Variants in GALNT13 observed in about 807,000 individuals in gnomAD.
GALNT13 encodes UDP-GalNAc:polypeptide N-acetylgalactosaminyltransferase 13.
A neutral mutation model predicts 64.2 loss-of-function variants in GALNT13; 28 were observed. The observed-to-expected ratio is 0.44, with a 90% CI of 0.32 to 0.60. The LOEUF (loss-of-function observed/expected upper bound fraction) is 0.60. Among genes scored for constraint, GALNT13 ranks in the 20% least tolerant of loss-of-function variants. The pLI is 0.05. For missense variants in GALNT13, 577 were observed against 669.8 expected, an observed-to-expected ratio of 0.86 and a Z score of 1.53; for synonymous variants, 214 against 224.6, an observed-to-expected ratio of 0.95 and a Z score of 0.42.
chr2:154,162,905 C>T (rs1300083507), intron 4 of GALNT13, among the ~76,000 whole-genome samples: 1 of 151,562 alleles, frequency 6.6e-6, no homozygotes, highest in Non-Finnish European at 1.5e-5. Context: ...CCGAGTTTTC[C>T]AAAGTCACTT....
chr2:153,283,209 T>A, the GALNT13 span, among the ~76,000 whole-genome samples: 1 of 152,110 alleles, frequency 6.6e-6, no homozygotes, highest in Non-Finnish European at 1.5e-5. Context: ...CGGGCACTAG[T>A]ACTAAGGGAG....
At chr2:153,524,093 C>T in the GALNT13 span, among the ~76,000 whole-genome samples, 21 of 152,030 alleles carry the variant, frequency 1.4e-4, no homozygotes, top group East Asian at 3.8e-4. Context: ...AACCTGTTGA[C>T]GTGATGAATT....
At chr2:154,262,580 C>T (rs906301328) in intron 8 of GALNT13, among the ~76,000 whole-genome samples, 2 of 152,134 alleles carry the variant, frequency 1.3e-5, no homozygotes, top group Non-Finnish European at 2.9e-5. Flanking sequence ...AACATAAATC[C>T]TAACAGCACT....
chr2:153,474,650 G>T, the GALNT13 span, among the ~76,000 whole-genome samples: 1 of 152,186 alleles, frequency 6.6e-6, no homozygotes, highest in African/African-American at 2.4e-5. Flanking sequence ...AAGCTAAGAG[G>T]TATCACTAGC....
At chr2:153,304,996 A>G in the GALNT13 span, among the ~76,000 whole-genome samples, 2 of 152,220 alleles carry the variant, frequency 1.3e-5, no homozygotes, top group African/African-American at 2.4e-5. Flanking sequence ...TGAGGATTAT[A>G]TAATCACATT....
chr2:153,298,731 G>A, the GALNT13 span, among the ~76,000 whole-genome samples: 3 of 152,128 alleles, frequency 2.0e-5, no homozygotes, highest in African/African-American at 7.2e-5. Flanking sequence ...AGGACAGAAA[G>A]ATGGGGTAAT....
the GALNT13 span, among the ~76,000 whole-genome samples, chr2:153,631,002 T>G: frequency 6.6e-6 from 1 of 151,012 alleles, no homozygotes; most frequent in Non-Finnish European, 1.5e-5. Context: ...GATGTTCCCC[T>G]TCCTGTGTCC....
chr2:154,305,278 G>C (rs961704824), intron 9 of GALNT13, among the ~76,000 whole-genome samples: 6 of 152,006 alleles, frequency 3.9e-5, no homozygotes, highest in African/African-American at 1.2e-4. Flanking sequence ...GAATGGGTGA[G>C]TTTGTAAAGA....
the GALNT13 span, among the ~76,000 whole-genome samples, chr2:153,567,946 G>A: frequency 2.0e-5 from 3 of 152,182 alleles, no homozygotes; most frequent in African/African-American, 7.2e-5. Flanking sequence ...CTTAGCATTT[G>A]GTTTGGGCAT....
chr2:153,837,352 G>T, the GALNT13 span, among the ~76,000 whole-genome samples: 8 of 151,974 alleles, frequency 5.3e-5, no homozygotes, highest in African/African-American at 1.9e-4. Context: ...TTTTGATGGG[G>T]TTGTTTGTTT....
At chr2:153,210,350 T>C in the GALNT13 span, among the ~76,000 whole-genome samples, 1 of 152,322 alleles carries the variant, frequency 6.6e-6, no homozygotes, top group Middle Eastern at 3.4e-3. Context: ...AGAATTTTCA[T>C]CATGAATAGG....
At chr2:153,540,765 G>A in the GALNT13 span, among the ~76,000 whole-genome samples, 2 of 152,190 alleles carry the variant, frequency 1.3e-5, no homozygotes, top group East Asian at 1.9e-4. Flanking sequence ...TTTCAAACTT[G>A]CATGAGGCCT....
chr2:153,878,295 C>G (rs571877494), intron 1 of GALNT13, among the ~76,000 whole-genome samples: 92 of 152,152 alleles, frequency 6.0e-4, no homozygotes, highest in African/African-American at 2.0e-3. Context: ...TAATTTCACC[C>G]AAGACTGATG....
the GALNT13 span, among the ~76,000 whole-genome samples, chr2:153,651,214 A>T: frequency 1.3e-5 from 2 of 152,180 alleles, no homozygotes; most frequent in African/African-American, 4.8e-5. Context: ...AAGTGTTGGG[A>T]TATAGAATAT....
At chr2:153,408,062 T>C in the GALNT13 span, among the ~76,000 whole-genome samples, 26 of 152,308 alleles carry the variant, frequency 1.7e-4, no homozygotes, top group African/African-American at 6.0e-4. Flanking sequence ...GATAGGAGAC[T>C]TCAAATTTCC....
At chr2:154,319,824 TTTTGA>T (rs1694527362) in intron 9 of GALNT13, among the ~76,000 whole-genome samples, 1 of 152,100 alleles carries the variant, frequency 6.6e-6, no homozygotes, top group Non-Finnish European at 1.5e-5. Context: ...CAGTAACATA[TTTTGA>T]TTTATTTTGT....
chr2:153,489,957 C>A, the GALNT13 span, among the ~76,000 whole-genome samples: 5 of 150,412 alleles, frequency 3.3e-5, no homozygotes, highest in African/African-American at 1.2e-4. Context: ...GCACTCCAGC[C>A]CGGGCAAAGC....
chr2:154,019,884 ATGTTCCCCTTCC>A (rs200590015), intron 3 of GALNT13, among the ~76,000 whole-genome samples: 17,069 of 147,170 alleles, frequency 0.12, 1,576 homozygotes, highest in African/African-American at 0.26. Context: ...CCAGAGTGTG[ATGTTCCCCTTCC>A]TGTGTCCATG....
the GALNT13 span, among the ~76,000 whole-genome samples, chr2:153,850,933 T>C: frequency 2.0e-5 from 3 of 152,148 alleles, no homozygotes; most frequent in African/African-American, 2.4e-5. Flanking sequence ...TTAGAAACTC[T>C]GGATAAGAGT....
Sources: gnomAD v4.1 joint callset for allele counts (sites outside exome capture counted in the v4.1 genomes callset) on GRCh38, gnomAD v4.1.1 for gene constraint, MANE v1.5 for transcripts, NCBI Gene and HGNC (gene_info 2026-07-23, HGNC 2026-07-21) for gene names.